CD44: variants seen among roughly 807,000 people sequenced by gnomAD.
The protein encoded by CD44 is CD44 molecule (IN blood group), also known as CD44 antigen.
A neutral mutation model predicts 88.8 loss-of-function variants in CD44; 49 were observed. That is an observed-to-expected ratio of 0.55 (90% CI 0.44 to 0.70). The LOEUF is 0.70. CD44 is among the 30% of genes least tolerant of loss of function. The pLI, the probability that CD44 is intolerant of heterozygous loss-of-function variation, is 0.00. For missense variants in CD44, 883 were observed against 913.8 expected (o/e 0.97, Z 0.43); for synonymous variants, 325 against 312.3 (o/e 1.04, Z -0.43).
intron 1 of CD44, among the ~76,000 whole-genome samples, chr11:35,173,463 C>T (rs1248134570): frequency 6.6e-6 from 1 of 152,206 alleles, no homozygotes; most frequent in Non-Finnish European, 1.5e-5. Flanking sequence ...CAGCCGAGTG[C>T]TGCATGAGTG....
chr11:35,183,463 G>T (rs1945352705), intron 3 of CD44, among the ~76,000 whole-genome samples: 1 of 152,124 alleles, frequency 6.6e-6, no homozygotes, highest in African/African-American at 2.4e-5. Flanking sequence ...TTGATAAACT[G>T]CCCTATGCAA....
Position 35,229,236 on chromosome 11 carries a change from A to G in CD44, c.2132A>G (p.His711Arg). 6.2e-7 allele frequency: 1 copy of G among 1,614,082 alleles called. No homozygotes were observed. Among genetic ancestry groups the G allele is most frequent in the South Asian group, 1.1e-5 (1 of 91,078 alleles). The change falls in exon 18 of 18, where the codon CAT becomes CGT. Residue 711 changes from histidine to arginine, a missense_variant. Physicochemically the swap from His to Arg is conservative, Grantham distance 29. Around this residue, in one of 2 missense-constraint regions of CD44, gnomAD observed 631 missense variants for 590.9 expected, o/e 1.07. Transcript: ENST00000428726. ...GCCAGCAAGTCTCAGGAAATGGTGC[A>G]TTTGGTGAACAAGGAGTCGTCAGAA... Reference protein sequence around the residue: ...GEASKSQEMVHLVNKESSETP... With the variant: ...GEASKSQEMVRLVNKESSETP...
At chr11:35,222,069 T>C (rs529702372) in intron 17 of CD44, among the ~76,000 whole-genome samples, 3 of 152,378 alleles carry the variant, frequency 2.0e-5, no homozygotes, top group East Asian at 1.9e-4. Context: ...TTAAACCTCA[T>C]GCAGACTCTG....
chr11:35,209,709 T>C (rs1948217979), intron 12 of CD44, among the ~76,000 whole-genome samples: 1 of 152,196 alleles, frequency 6.6e-6, no homozygotes, highest in African/African-American at 2.4e-5. Context: ...AGGCAAAGTT[T>C]TGGCTCAGTC....
intron 1 of CD44, among the ~76,000 whole-genome samples, chr11:35,173,254 C>G (rs1030750645): frequency 6.4e-4 from 98 of 152,350 alleles, no homozygotes; most frequent in African/African-American, 2.1e-3. Flanking sequence ...TCAGCCTTAT[C>G]TTCAAGAAGC....
At chr11:35,209,512 A>T (rs572735574) in intron 12 of CD44, among the ~76,000 whole-genome samples, 1 of 152,312 alleles carries the variant, frequency 6.6e-6, no homozygotes, top group African/African-American at 2.4e-5. Context: ...TTGTGGTTAC[A>T]ACTAGACTAC....
Position 35,189,981 on chromosome 11 carries a change from T to A in CD44, c.583T>A (p.Phe195Ile). ...ERSSTSGGYI[F>I]YTFSTVHPIP... ...GAGCAGCACTTCAGGAGGTTACATC[T>A]TTTACACCTTTTCTACTGTACACCC... Residue 195 changes from phenylalanine (F) to isoleucine (I), a missense_variant, in exon 5 of 18, where the codon TTT (phenylalanine) becomes ATT (isoleucine). By Grantham distance (21) the Phe-to-Ile change is conservative. Coordinates refer to ENST00000428726, the MANE Select transcript of CD44 (RefSeq NM_000610.4). 1.2e-6 allele frequency: 2 copies of A among 1,614,160 alleles called. No individual in the cohort carries two copies. The highest frequency in any genetic ancestry group is 1.7e-6 in the Non-Finnish European group (2 of 1,180,012).
At chr11:35,140,232 C>T (rs533551448) in intron 1 of CD44, among the ~76,000 whole-genome samples, 35 of 152,296 alleles carry the variant, frequency 2.3e-4, no homozygotes, top group Admixed American at 2.2e-3. Context: ...AGGGTCAGTG[C>T]TTTGTGGTGG....
At chr11:35,143,653 G>A (rs1858457693) in intron 1 of CD44, among the ~76,000 whole-genome samples, 1 of 152,174 alleles carries the variant, frequency 6.6e-6, no homozygotes, top group Admixed American at 6.5e-5. Context: ...CCTGTGGCCA[G>A]CATAAGTGAA....
rs78330836 is a variant in CD44 at position 35,162,624 on chromosome 11, G to A, written c.68-13951G>A. The stretch of plus-strand genomic sequence containing the variant: ...TCCGTTGTTCCAGATGAGATTTCAC[G>A]GATTGAAAGCTCAGGAAGAGGTGTG... On this transcript the variant is annotated intron_variant, in intron 1 of 17. Coordinates refer to ENST00000428726, the MANE Select transcript of CD44 (RefSeq NM_000610.4). Among the ~76,000 whole-genome samples the A allele has an allele frequency of 6.1e-3, 923 of 152,298 alleles. 7 individuals are homozygous for A. The highest frequency in any genetic ancestry group is 0.021 in the African/African-American group (881 of 41,554).
At chr11:35,171,787 A>G (rs1407823) in intron 1 of CD44, among the ~76,000 whole-genome samples, 1 of 152,082 alleles carries the variant, frequency 6.6e-6, no homozygotes, top group Non-Finnish European at 1.5e-5. Flanking sequence ...TCTTTCTTAC[A>G]TTGTTAACTA....
At chr11:35,191,688 A>G (rs1320172747) in intron 5 of CD44, among the ~76,000 whole-genome samples, 1 of 152,198 alleles carries the variant, frequency 6.6e-6, no homozygotes, top group Non-Finnish European at 1.5e-5. Flanking sequence ...TCCTGATAAA[A>G]CATAACTTGG....
intron 15 of CD44, among the ~76,000 whole-genome samples, chr11:35,217,532 A>G (rs1457985977): frequency 6.6e-6 from 1 of 152,006 alleles, no homozygotes; most frequent in Non-Finnish European, 1.5e-5. Context: ...GGAGATTTGT[A>G]AAGTCAAAGG....
chr11:35,170,117 T>G (rs1049130335), intron 1 of CD44, among the ~76,000 whole-genome samples: 2 of 152,202 alleles, frequency 1.3e-5, no homozygotes, highest in South Asian at 4.1e-4. Context: ...CATACCTTAT[T>G]TCATGTAATA....
chr11:35,173,007 C>T (rs1944078833), intron 1 of CD44, among the ~76,000 whole-genome samples: 1 of 152,238 alleles, frequency 6.6e-6, no homozygotes, highest in East Asian at 1.9e-4. Flanking sequence ...TTTGCTGAAA[C>T]TCATGAAACT....
At chr11:35,161,331 C>T (rs533247858) in intron 1 of CD44, among the ~76,000 whole-genome samples, 4 of 152,158 alleles carry the variant, frequency 2.6e-5, no homozygotes, top group Admixed American at 1.3e-4. Flanking sequence ...ACATAGCATG[C>T]ATAACATCCC....
rs377577627 is a variant in CD44 at position 35,210,385 on chromosome 11, G to A, written c.1606+331G>A. 9 of 158,788 alleles carry A rather than the reference G, an allele frequency of 5.7e-5. No homozygotes were observed. In the East Asian group the frequency reaches 1.2e-3, roughly 22 times the overall value. 9.8% of individuals were successfully genotyped at this position (158,788 alleles called of 1,614,324 possible). On this transcript the variant is annotated intron_variant, in intron 13 of 17. Coordinates refer to ENST00000428726, the MANE Select transcript of CD44 (RefSeq NM_000610.4). ...TGAGATCTTTCTAACTTTTTTATGT[G>A]GGCGTTTAAATTTAGTGCTATAAAT...
At chr11:35,151,056 T>C (rs904177562) in intron 1 of CD44, among the ~76,000 whole-genome samples, 6 of 152,118 alleles carry the variant, frequency 3.9e-5, no homozygotes, top group African/African-American at 1.2e-4. Flanking sequence ...GACATCTCGA[T>C]TGCATGTGAA....
intron 1 of CD44, among the ~76,000 whole-genome samples, chr11:35,160,683 C>T (rs1465689471): frequency 1.3e-5 from 2 of 152,222 alleles, no homozygotes; most frequent in Non-Finnish European, 2.9e-5. Flanking sequence ...TAAGTACTCA[C>T]AGCTTATCAG....
Sources: gnomAD v4.1 joint callset for allele counts (sites outside exome capture counted in the v4.1 genomes callset) on GRCh38, gnomAD v4.1.1 for gene constraint, gnomAD v4.1.1 regional missense constraint, MANE v1.5 for transcripts, NCBI Gene and HGNC (gene_info 2026-07-23, HGNC 2026-07-21) for gene names.